The following MEGF6 variants were observed in gnomAD, a reference collection of about 807,000 sequenced individuals.
The protein encoded by MEGF6 is multiple epidermal growth factor-like domains protein 6.
Under a neutral mutation model 207.1 loss-of-function variants are expected in MEGF6, and 184 were observed. The observed-to-expected ratio is 0.89, with a 90% confidence interval of 0.79 to 1.00. The LOEUF (loss-of-function observed/expected upper bound fraction) is 1.00, where lower values mean the gene tolerates loss of function less well. MEGF6 is among the 50% of genes least tolerant of loss of function. The pLI is 0.00. For missense variants in MEGF6, 2,282 were observed against 2,202.9 expected (o/e 1.04, Z -0.72); for synonymous variants, 1,038 against 910.0 (o/e 1.14, Z -2.53).
At chr1:3,497,958 C>T (rs954479058) in intron 26 of MEGF6, among the ~76,000 whole-genome samples, 1 of 152,154 alleles carries the variant, frequency 6.6e-6, no homozygotes, top group Non-Finnish European at 1.5e-5. Flanking sequence ...GCTGAGGCCC[C>T]GCTGGGTGGA....
intron 30 of MEGF6, among the ~76,000 whole-genome samples, chr1:3,495,171 C>T (rs1416530214): frequency 6.6e-6 from 1 of 152,164 alleles, no homozygotes; most frequent in Non-Finnish European, 1.5e-5. Flanking sequence ...CTGTTACAGC[C>T]GGATGCCTGA....
chr1:3,586,006 C>G (rs369301416), intron 3 of MEGF6, among the ~76,000 whole-genome samples: 3,680 of 139,340 alleles, frequency 0.026, 67 homozygotes, highest in Non-Finnish European at 0.041. Context: ...GGTGTGTGGA[C>G]ACATGTCCTG....
In MEGF6 at chr1:3,504,421, G is replaced by A. The variant is rs114678287; in HGVS notation, c.2188+787C>T. 3.2e-3 allele frequency among the ~76,000 whole-genome samples: 483 copies of A among 152,058 alleles called. 2 individuals carry two copies. Among genetic ancestry groups the A allele is most frequent in the African/African-American group, 0.011 (466 of 41,468 alleles). On this transcript the variant is annotated intron_variant, in intron 17 of 36. Transcript: ENST00000356575. ...CATGAGACTGAGGAGTGACCATCCCGCTGAGCCTCAGACCAGCTTGGTCAG... is the reference window on the plus strand; with the variant it reads ...CATGAGACTGAGGAGTGACCATCCCACTGAGCCTCAGACCAGCTTGGTCAG...
At chr1:3,507,969 C>T (rs377030080) in intron 13 of MEGF6, 46 bp from the exon 14 acceptor site, 142 of 1,587,208 alleles carry the variant, frequency 8.9e-5, no homozygotes, top group Non-Finnish European at 1.1e-4. Context: ...GCCAGCACGA[C>T]ACTCTGAGAC....
intron 1 of MEGF6, among the ~76,000 whole-genome samples, chr1:3,608,386 C>T (rs2101905766): frequency 6.6e-6 from 1 of 152,224 alleles, no homozygotes; most frequent in South Asian, 2.1e-4. Context: ...AGAACAGCTG[C>T]CTTCTACACC....
intron 4 of MEGF6, among the ~76,000 whole-genome samples, chr1:3,545,283 A>AG (rs956366993): frequency 8.5e-5 from 13 of 152,132 alleles, no homozygotes; most frequent in African/African-American, 2.9e-4. Flanking sequence ...GAGACCAGGT[A>AG]GGGGGGTCTG....
At chr1:3,579,689 C>G in intron 4 of MEGF6, 136 bp downstream of exon 4, 1 of 563,838 alleles carries the variant, frequency 1.8e-6, no homozygotes, top group East Asian at 3.5e-5. Flanking sequence ...TGCGGAATGT[C>G]CTCAGAAGAA....
upstream of MEGF6, among the ~76,000 whole-genome samples, chr1:3,615,076 A>G (rs1018317151): frequency 3.3e-4 from 51 of 152,252 alleles, no homozygotes; most frequent in Admixed American, 7.2e-4. Context: ...CTTTCCCCTG[A>G]AAATTACACT....
intron 3 of MEGF6, among the ~76,000 whole-genome samples, chr1:3,589,782 G>A (rs1211750806): frequency 6.6e-6 from 1 of 152,228 alleles, no homozygotes; most frequent in Non-Finnish European, 1.5e-5. Context: ...TTAGGGCACT[G>A]TTTTATCTCT....
rs2101882447 is a variant in MEGF6 at position 3,602,578 on chromosome 1, C to G, written c.154G>C (p.Glu52Gln). 1 of 1,611,762 alleles carries G rather than the reference C, an allele frequency of 6.2e-7. No homozygotes were observed. The highest frequency in any genetic ancestry group is 2.2e-5 in the East Asian group (1 of 44,846). Reference protein sequence around the residue: ...PGMPHVCAEQELTLVGRRQPC... With the variant: ...PGMPHVCAEQQLTLVGRRQPC... Reference sequence around the variant, plus strand: ...TGGCGGCGGCCCACCAGGGTCAGCTCCTGCTCAGCACACACGTGGGGCCTG... The same window carrying G: ...TGGCGGCGGCCCACCAGGGTCAGCTGCTGCTCAGCACACACGTGGGGCCTG... Residue 52 changes from glutamate to glutamine, a missense_variant, in exon 2 of 37, where the codon GAG becomes CAG. Coordinates refer to ENST00000356575, the MANE Select transcript of MEGF6 (RefSeq NM_001409.4).
chr1:3,511,074 A>G (rs966236577), intron 9 of MEGF6, among the ~76,000 whole-genome samples, 172 bp from the exon 10 acceptor site: 3 of 152,136 alleles, frequency 2.0e-5, no homozygotes, highest in African/African-American at 4.8e-5. Context: ...AGACAATCGC[A>G]CCCACCACAC....
rs543878616 is a variant in MEGF6 at position 3,519,665 on chromosome 1, G to A, written c.605-4138C>T. Among the ~76,000 whole-genome samples the A allele has an allele frequency of 7.2e-5, 11 of 152,348 alleles. No individual in the cohort carries two copies. The South Asian group carries it at 8.3e-4, about 11-fold the overall frequency. Reference sequence around the variant, plus strand: ...GCAACCCACTGCCTACGCAGTGCCCGGCTCCAGCACACCAGGCGGCGGTCA... The same window carrying A: ...GCAACCCACTGCCTACGCAGTGCCCAGCTCCAGCACACCAGGCGGCGGTCA... On this transcript the variant is annotated intron_variant, in intron 5 of 36. Coordinates refer to ENST00000356575, the MANE Select transcript of MEGF6 (RefSeq NM_001409.4).
chr1:3,536,498 G>C (rs865814821), intron 4 of MEGF6, among the ~76,000 whole-genome samples: 2 of 152,168 alleles, frequency 1.3e-5, no homozygotes, highest in African/African-American at 2.4e-5. Flanking sequence ...GTGGCCGTGG[G>C]GGGCAGCAGC....
chr1:3,499,440 C>A, intron 23 of MEGF6, 148 bp downstream of exon 23: 6 of 1,405,388 alleles, frequency 4.3e-6, no homozygotes, highest in Non-Finnish European at 4.7e-6. Context: ...AAAGGACCAA[C>A]GCTCTGGCCC....
intron 2 of MEGF6, among the ~76,000 whole-genome samples, chr1:3,598,654 C>G (rs1644109993): frequency 6.6e-6 from 1 of 152,066 alleles, no homozygotes; most frequent in Admixed American, 6.5e-5. Context: ...CAGCACCAGC[C>G]CACACGGGCT....
chr1:3,611,418 C>G lies in MEGF6; in HGVS notation c.-150G>C, dbSNP rs1644325098. The stretch of plus-strand genomic sequence containing the variant: ...AAGGTCGCTGCAGGTGCGGAGCGTC[C>G]CGGCTTCCCGCCCGCGCCCAAAGTG... On this transcript the variant is annotated 5_prime_UTR_variant, in exon 1 of 37. Transcript: ENST00000356575. 4 of 1,132,192 alleles carry G rather than the reference C, an allele frequency of 3.5e-6. No homozygotes were observed. The highest frequency in any genetic ancestry group is 4.6e-6 in the Non-Finnish European group (4 of 870,796). 70.1% of individuals were successfully genotyped at this position (1,132,192 alleles called of 1,614,324 possible).
intron 2 of MEGF6, among the ~76,000 whole-genome samples, chr1:3,598,568 CT>C (rs781391830): frequency 1.3e-5 from 2 of 152,212 alleles, no homozygotes; most frequent in Non-Finnish European, 2.9e-5. Context: ...TGACCACCCC[CT>C]CCATCCCCCC....
At chr1:3,614,696 A>C (rs1403443760), upstream of MEGF6, among the ~76,000 whole-genome samples, 1 of 152,210 alleles carries the variant, frequency 6.6e-6, no homozygotes, top group Admixed American at 6.5e-5. Flanking sequence ...GTAAGCACTA[A>C]GCTTAGAAGG....
intron 2 of MEGF6, among the ~76,000 whole-genome samples, chr1:3,597,639 G>T (rs1214006931): frequency 6.6e-6 from 1 of 152,242 alleles, no homozygotes; most frequent in Admixed American, 6.5e-5. Flanking sequence ...ACAGGGGATG[G>T]CTGTGTGAAC....
Sources: gnomAD v4.1 joint callset for allele counts (sites outside exome capture counted in the v4.1 genomes callset) on GRCh38, gnomAD v4.1.1 for gene constraint, MANE v1.5 for transcripts, NCBI Gene and HGNC (gene_info 2026-07-23, HGNC 2026-07-21) for gene names.